Variants in SRGAP2 observed in about 807,000 individuals in gnomAD.
The protein encoded by SRGAP2 is SLIT-ROBO Rho GTPase-activating protein 2.
SRGAP2 carries 15 observed loss-of-function variants against 57.2 expected under a neutral mutation model. The ratio of observed to expected loss-of-function variants is 0.26; its 90% CI spans 0.18 to 0.40. SRGAP2 has a LOEUF of 0.40. Among genes scored for constraint, SRGAP2 ranks in the 10% least tolerant of loss-of-function variants. The pLI is 1.00. For synonymous variants in SRGAP2, 249 were observed against 248.0 expected (o/e 1.00, Z -0.04); for missense variants, 520 against 669.6 (o/e 0.78, Z 2.47).
intron 21 of SRGAP2, chr1:206,455,644 CCCTTTCACA>C (rs1313598882): frequency 6.5e-6 from 1 of 153,394 alleles, no homozygotes; most frequent in African/African-American, 2.4e-5. Flanking sequence ...TTTTCTTCTG[CCCTTTCACA>C]CCAGGAGAAA....
chr1:206,426,408 T>C (rs782637393), intron 13 of SRGAP2, among the ~76,000 whole-genome samples: 12 of 152,222 alleles, frequency 7.9e-5, no homozygotes, highest in Non-Finnish European at 1.5e-4. Flanking sequence ...ATCTCAGCTA[T>C]TGTGAATAAT....
At chr1:206,431,860 A>T (rs1293204748) in intron 14 of SRGAP2, among the ~76,000 whole-genome samples, 8 of 152,244 alleles carry the variant, frequency 5.3e-5, no homozygotes, top group Non-Finnish European at 1.0e-4. Context: ...AGCCTTGTGG[A>T]TATCTGGGGA....
chr1:206,452,076 C>A (rs1436756311), intron 19 of SRGAP2, among the ~76,000 whole-genome samples: 2 of 152,208 alleles, frequency 1.3e-5, no homozygotes, highest in African/African-American at 4.8e-5. Flanking sequence ...ATAATGATAA[C>A]AATAAGTCAT....
At chr1:206,410,821 G>C (rs1364511170) in intron 10 of SRGAP2, among the ~76,000 whole-genome samples, 22 of 152,158 alleles carry the variant, frequency 1.4e-4, no homozygotes, top group African/African-American at 5.1e-4. Context: ...GTTTAGCCAA[G>C]GTTTACCAAA....
intron 21 of SRGAP2, 121 bp downstream of exon 21, chr1:206,455,145 A>G (rs991690575): frequency 5.3e-6 from 4 of 757,410 alleles, no homozygotes; most frequent in Non-Finnish European, 7.3e-6. Flanking sequence ...CCCCCAGCCT[A>G]ACAGTTTGCA....
At chr1:206,340,144 C>A (rs1675072217) in intron 3 of SRGAP2, among the ~76,000 whole-genome samples, 1 of 151,134 alleles carries the variant, frequency 6.6e-6, no homozygotes, top group African/African-American at 2.5e-5. Flanking sequence ...TAAAAGATTT[C>A]TACTTCCAGC....
chr1:206,424,636 CAA>C (rs1660631698), intron 13 of SRGAP2, among the ~76,000 whole-genome samples: 2 of 152,166 alleles, frequency 1.3e-5, no homozygotes, highest in African/African-American at 4.8e-5. Flanking sequence ...GCCTGGGTGA[CAA>C]GAGAGAGACT....
intron 18 of SRGAP2, among the ~76,000 whole-genome samples, chr1:206,448,506 C>T (rs1385655895): frequency 6.6e-6 from 1 of 152,180 alleles, no homozygotes; most frequent in Non-Finnish European, 1.5e-5. Flanking sequence ...TTGCCTTTCT[C>T]ATAAAGCAGT....
intron 4 of SRGAP2, among the ~76,000 whole-genome samples, chr1:206,355,968 A>C (rs1676400325): frequency 6.6e-6 from 1 of 151,300 alleles, no homozygotes; most frequent in South Asian, 2.1e-4. Context: ...CTCCGACTCA[A>C]AAAATAAATA....
chr1:206,373,778 C>T (rs1394975645), intron 4 of SRGAP2, among the ~76,000 whole-genome samples: 1 of 114,270 alleles, frequency 8.8e-6, no homozygotes, highest in Non-Finnish European at 1.8e-5. Flanking sequence ...ACTAAGTTTC[C>T]AGGAAGAAAT....
chr1:206,319,268 G>A (rs1217485310), intron 3 of SRGAP2, among the ~76,000 whole-genome samples: 20 of 147,522 alleles, frequency 1.4e-4, no homozygotes, highest in African/African-American at 4.8e-4. Context: ...AAAATTATCC[G>A]GGTGTGGTGG....
At chr1:206,411,870 G>A (rs1659254002) in intron 10 of SRGAP2, among the ~76,000 whole-genome samples, 1 of 152,186 alleles carries the variant, frequency 6.6e-6, no homozygotes, top group Admixed American at 6.5e-5. Context: ...GATGCTTAGG[G>A]AAGGGATGCT....
intron 2 of SRGAP2, among the ~76,000 whole-genome samples, chr1:206,290,319 A>G (rs1671239619): frequency 6.6e-6 from 1 of 152,196 alleles, no homozygotes; most frequent in Admixed American, 6.5e-5. Context: ...TTAAAGGATC[A>G]AAGAACCTAT....
intron 16 of SRGAP2, 54 bp from the exon 17 acceptor site, chr1:206,439,922 C>G (rs1662119311): frequency 1.3e-6 from 1 of 764,636 alleles, no homozygotes; most frequent in Admixed American, 1.8e-5. Context: ...CTGATCATTA[C>G]TGCCTGGGAT....
intron 13 of SRGAP2, 91 bp downstream of exon 13, chr1:206,421,365 C>A: frequency 1.6e-6 from 1 of 614,910 alleles, no homozygotes; most frequent in Non-Finnish European, 3.0e-6. Context: ...GCAGGACAGA[C>A]ACCTCTGACT....
chr1:206,277,837 G>A (rs1240816807), intron 2 of SRGAP2, among the ~76,000 whole-genome samples: 5 of 152,022 alleles, frequency 3.3e-5, no homozygotes, highest in African/African-American at 9.7e-5. Flanking sequence ...AAAATTAGCC[G>A]GCATGGTGGT....
intron 2 of SRGAP2, among the ~76,000 whole-genome samples, chr1:206,283,463 C>A (rs1670845863): frequency 6.6e-6 from 1 of 152,010 alleles, no homozygotes. Context: ...CACTTGAGAC[C>A]AGGAGTTCAA....
chr1:206,226,778 G>A (rs1667297366), intron 2 of SRGAP2, among the ~76,000 whole-genome samples: 1 of 152,162 alleles, frequency 6.6e-6, no homozygotes, highest in African/African-American at 2.4e-5. Flanking sequence ...ATCACCTGTT[G>A]CTTTCTGGGC....
chr1:206,426,425 A>G lies in SRGAP2; in HGVS notation c.1495-3737A>G, dbSNP rs1253329654. 3.9e-5 allele frequency among the ~76,000 whole-genome samples: 6 copies of G among 152,378 alleles called. 1 individual carries two copies. Among genetic ancestry groups the G allele is most frequent in the African/African-American group, 1.4e-4 (6 of 41,598 alleles). On this transcript the variant is annotated intron_variant, in intron 13 of 22. Coordinates refer to ENST00000573034, the MANE Select transcript of SRGAP2 (RefSeq NM_015326.5). The stretch of plus-strand genomic sequence containing the variant: ...CTCAGCTATTGTGAATAATGCAGCA[A>G]TAAACCTGAGAGTGCAGTTACACTG...
Sources: allele counts gnomAD v4.1 joint callset (sites outside exome capture counted in the v4.1 genomes callset), GRCh38; gene constraint gnomAD v4.1.1; transcripts MANE v1.5; gene names NCBI Gene and HGNC (gene_info 2026-07-23, HGNC 2026-07-21).